The following ANO10 variants were observed in gnomAD, a reference collection of about 807,000 sequenced individuals.
The protein encoded by ANO10 is anoctamin 10, also known as anoctamin-10.
In ANO10, 77 loss-of-function variants were observed where a neutral mutation model predicts 74.7. That is an observed-to-expected ratio of 1.03 (90% CI 0.86 to 1.25). The LOEUF (loss-of-function observed/expected upper bound fraction) is 1.25, where lower values mean the gene tolerates loss of function less well. ANO10 is among the 50% of genes most tolerant of loss of function. The probability of loss-of-function intolerance (pLI) is 0.00; values close to 1 mark genes in which losing one functional copy is unlikely to be tolerated. For synonymous variants in ANO10, 279 were observed against 284.9 expected, an observed-to-expected ratio of 0.98 and a Z score of 0.21; for missense variants, 721 against 778.1, an observed-to-expected ratio of 0.93 and a Z score of 0.87.
At chr3:43,654,132 C>A (rs952056421) in intron 1 of ANO10, among the ~76,000 whole-genome samples, 1 of 152,034 alleles carries the variant, frequency 6.6e-6, no homozygotes, top group African/African-American at 2.4e-5. Context: ...AAACTATAAA[C>A]CTGTTCATTT....
upstream of ANO10, among the ~76,000 whole-genome samples, chr3:43,622,842 T>C (rs1282020406): frequency 6.6e-6 from 1 of 152,172 alleles, no homozygotes; most frequent in Non-Finnish European, 1.5e-5. Context: ...CTCCTATTTC[T>C]TCTGTCCACC....
chr3:43,566,579 G>A (rs1444733017), intron 7 of ANO10, among the ~76,000 whole-genome samples: 2 of 152,188 alleles, frequency 1.3e-5, no homozygotes, highest in Non-Finnish European at 2.9e-5. Flanking sequence ...GGGGTACACT[G>A]ACACCTCACA....
At chr3:43,662,559 C>G (rs2083938274) in intron 1 of ANO10, among the ~76,000 whole-genome samples, 1 of 152,002 alleles carries the variant, frequency 6.6e-6, no homozygotes, top group South Asian at 2.1e-4. Context: ...TAACTAAGAT[C>G]ACAGCAGAAC....
chr3:43,656,414 T>G (rs1032587956), intron 1 of ANO10, among the ~76,000 whole-genome samples: 6 of 152,210 alleles, frequency 3.9e-5, no homozygotes, highest in Non-Finnish European at 8.8e-5. Context: ...GCCAGTCCTG[T>G]GCCGTGCGCT....
chr3:43,565,838 G>A, intron 7 of ANO10, 111 bp from the exon 8 acceptor site: 1 of 1,139,308 alleles, frequency 8.8e-7, no homozygotes, highest in South Asian at 1.4e-5. Context: ...GGAGCCAAGA[G>A]GGCCGAATAG....
intron 11 of ANO10, among the ~76,000 whole-genome samples, chr3:43,474,285 C>T (rs1210821176): frequency 1.5e-5 from 2 of 137,478 alleles, no homozygotes; most frequent in Non-Finnish European, 3.1e-5. Flanking sequence ...AACTGATGGG[C>T]TCAGAGGACT....
intron 11 of ANO10, among the ~76,000 whole-genome samples, chr3:43,535,267 CTTT>C (rs71616100): frequency 5.6e-5 from 6 of 107,864 alleles, no homozygotes; most frequent in East Asian, 2.8e-4. Context: ...CCTAGACATT[CTTT>C]TTTTTTTTTT....
In ANO10 at chr3:43,638,207, G is replaced by A. The variant is rs138356828; in HGVS notation, c.-11-32344C>T. On this transcript the variant is annotated intron_variant, in intron 1 of 3. Transcript: ENST00000413397. The stretch of plus-strand genomic sequence containing the variant: ...CTGCTCATTTGTAAGGATAACCTTC[G>A]AACTTGCATTACAATTGAAGAGATG... Among the ~76,000 whole-genome samples the A allele has an allele frequency of 8.2e-3, 1,244 of 152,224 alleles. 17 individuals carry two copies. Among genetic ancestry groups the A allele is most frequent in the African/African-American group, 0.028 (1,150 of 41,526 alleles).
chr3:43,600,150 A>G (rs2082272363), intron 3 of ANO10, among the ~76,000 whole-genome samples: 2 of 152,214 alleles, frequency 1.3e-5, no homozygotes, highest in South Asian at 2.1e-4. Context: ...GGTTTTATAA[A>G]TACAGTTTTA....
chr3:43,581,968 G>A (rs181547171), intron 4 of ANO10, among the ~76,000 whole-genome samples: 5 of 150,906 alleles, frequency 3.3e-5, no homozygotes, highest in Admixed American at 2.6e-4. Flanking sequence ...TTTGCATTAA[G>A]AAAGGATGCT....
At chr3:43,570,504 G>C (rs2080644524) in intron 7 of ANO10, among the ~76,000 whole-genome samples, 1 of 152,146 alleles carries the variant, frequency 6.6e-6, no homozygotes, top group African/African-American at 2.4e-5. Context: ...CAATGGAACA[G>C]AACAGAGCCC....
At chr3:43,651,584 G>A (rs552407581) in intron 1 of ANO10, among the ~76,000 whole-genome samples, 3 of 152,262 alleles carry the variant, frequency 2.0e-5, no homozygotes, top group Non-Finnish European at 4.4e-5. Flanking sequence ...TTTGAATGTG[G>A]AAAAGATGAT....
chr3:43,573,011 C>A (rs886365010), intron 7 of ANO10, among the ~76,000 whole-genome samples: 6 of 149,016 alleles, frequency 4.0e-5, no homozygotes, highest in Non-Finnish European at 8.9e-5. Flanking sequence ...TTTTTTTTTA[C>A]AAGGAAGTTA....
intron 11 of ANO10, among the ~76,000 whole-genome samples, chr3:43,440,179 C>T (rs1187322157): frequency 6.6e-6 from 1 of 151,968 alleles, no homozygotes; most frequent in Non-Finnish European, 1.5e-5. Flanking sequence ...AACAAAACGG[C>T]AATTGTAAGT....
chr3:43,680,982 T>C lies in ANO10; in HGVS notation c.-12+10535A>G, dbSNP rs371464060. 2.0e-5 allele frequency among the ~76,000 whole-genome samples: 3 copies of C among 152,206 alleles called. No homozygotes were observed. In the East Asian group the frequency reaches 5.8e-4, roughly 29 times the overall value. On this transcript the variant is annotated intron_variant, in intron 1 of 3. Transcript: ENST00000413397. ...CCAGCCGCTGCAAAAACATGCCAAA[T>C]TGTAAAGACCATCGAGGCTAGGAGG... is the stretch of plus-strand genomic sequence containing the variant.
intron 12 of ANO10, among the ~76,000 whole-genome samples, chr3:43,424,183 C>G (rs1207696787): frequency 6.6e-6 from 1 of 152,188 alleles, no homozygotes; most frequent in African/African-American, 2.4e-5. Context: ...TGCAGCTACA[C>G]AGGGCTGAAA....
chr3:43,544,137 G>A (rs1363140703), intron 11 of ANO10, among the ~76,000 whole-genome samples: 1 of 151,992 alleles, frequency 6.6e-6, no homozygotes, highest in African/African-American at 2.4e-5. Context: ...CATCAAAAAA[G>A]CAAACTAAGT....
In ANO10 at chr3:43,561,262, T is replaced by C; in HGVS notation, c.1434A>G (p.Leu478=). The part of the protein sequence containing the change: ...QALKADIDAT[L]YEQVILEKEM... Reference sequence around the variant, plus strand: ...CTTTTTCCAGGATGACTTGTTCATATAATGTAGCATCAATGTCTGCCTTTA... The same window carrying C: ...CTTTTTCCAGGATGACTTGTTCATACAATGTAGCATCAATGTCTGCCTTTA... The change falls in exon 9 of 13, where the codon TTA becomes TTG. Residue 478 remains leucine, a synonymous_variant. Transcript: ENST00000292246. The C allele has an allele frequency of 9.9e-6, 16 of 1,614,226 alleles. No homozygotes were observed. The highest frequency in any genetic ancestry group is 1.0e-5 in the Non-Finnish European group (12 of 1,180,026).
At chr3:43,598,702 A>C (rs1368210307) in intron 3 of ANO10, 36 bp from the exon 4 acceptor site, 4 of 1,504,398 alleles carry the variant, frequency 2.7e-6, no homozygotes, top group Non-Finnish European at 3.6e-6. Flanking sequence ...TTTTAGTAAT[A>C]ATCAAAATAA....
Sources: gnomAD v4.1 joint callset for allele counts (sites outside exome capture counted in the v4.1 genomes callset) on GRCh38, gnomAD v4.1.1 for gene constraint, MANE v1.5 for transcripts, NCBI Gene and HGNC (gene_info 2026-07-23, HGNC 2026-07-21) for gene names.